The following RIN2 variants were observed in gnomAD, a reference collection of about 807,000 sequenced individuals.
RIN2 encodes RAB5 interacting protein 2.
RIN2 carries 36 observed loss-of-function variants against 78.0 expected under a neutral mutation model. That is an observed-to-expected ratio of 0.46 (90% CI 0.35 to 0.61). RIN2 has a LOEUF of 0.61. Ranked by LOEUF, RIN2 falls within the 20% of genes least tolerant of loss-of-function variation. RIN2 has a pLI of 0.00. For synonymous variants in RIN2, 466 were observed against 466.8 expected (o/e 1.00, Z 0.02); for missense variants, 1,087 against 1,159.7 (o/e 0.94, Z 0.91).
intron 1 of RIN2, among the ~76,000 whole-genome samples, chr20:19,764,918 GTTTTTTTTTTTTTTT>G (rs10605325): frequency 2.0e-5 from 1 of 50,362 alleles, no homozygotes; most frequent in African/African-American, 6.5e-5. Context: ...CACTTTCTGC[GTTTTTTTTTTTTTTT>G]TTTTTTTTTT....
chr20:19,885,686 C>G (rs1393571598), intron 2 of RIN2, among the ~76,000 whole-genome samples: 1 of 143,506 alleles, frequency 7.0e-6, no homozygotes. Context: ...TACAAGCAAA[C>G]AAACAAAAAA....
At chr20:19,962,241 G>A (rs770094757) in intron 6 of RIN2, among the ~76,000 whole-genome samples, 33 of 151,536 alleles carry the variant, frequency 2.2e-4, no homozygotes, top group Non-Finnish European at 3.7e-4. Flanking sequence ...AGCCGTGATC[G>A]TGCCACTGCA....
intron 2 of RIN2, among the ~76,000 whole-genome samples, chr20:19,845,344 C>G (rs2036746423): frequency 6.6e-6 from 1 of 152,142 alleles, no homozygotes; most frequent in African/African-American, 2.4e-5. Flanking sequence ...ATTTACACTC[C>G]CACCAACAGT....
intron 2 of RIN2, among the ~76,000 whole-genome samples, chr20:19,851,046 GAAGGAGAA>G (rs1160524554): frequency 0.015 from 915 of 60,084 alleles, 17 homozygotes; most frequent in South Asian, 0.029. Context: ...AGGAAGGAAG[GAAGGAGAA>G]AGAAAGGAAG....
intron 2 of RIN2, among the ~76,000 whole-genome samples, chr20:19,837,210 A>G (rs868127217): frequency 1.3e-4 from 19 of 148,272 alleles, no homozygotes; most frequent in African/African-American, 4.4e-4. Flanking sequence ...ACACACACAC[A>G]CAGAGTGAAT....
intron 9 of RIN2, among the ~76,000 whole-genome samples, chr20:19,977,579 G>A (rs1454651596): frequency 6.6e-6 from 1 of 152,136 alleles, no homozygotes; most frequent in Non-Finnish European, 1.5e-5. Flanking sequence ...GGAAGGCAAG[G>A]AGGGCTCTGC....
chr20:19,970,347 G>C (rs9973993), intron 7 of RIN2, among the ~76,000 whole-genome samples: 30,018 of 152,192 alleles, frequency 0.2, 3,165 homozygotes, highest in African/African-American at 0.27. Flanking sequence ...TGTGTGGGCT[G>C]TAATGGGAAG....
chr20:19,771,570 C>G (rs1176489435), intron 1 of RIN2, among the ~76,000 whole-genome samples: 1 of 152,186 alleles, frequency 6.6e-6, no homozygotes, highest in Non-Finnish European at 1.5e-5. Context: ...TCACGGCTGT[C>G]GGTCTCGAGG....
intron 2 of RIN2, among the ~76,000 whole-genome samples, chr20:19,862,092 C>T (rs915934575): frequency 6.6e-6 from 1 of 152,222 alleles, no homozygotes; most frequent in Non-Finnish European, 1.5e-5. Context: ...AAGTGGAGTC[C>T]GGCCATCCTG....
intron 5 of RIN2, among the ~76,000 whole-genome samples, chr20:19,959,394 C>A (rs372827992): frequency 1.3e-5 from 2 of 152,092 alleles, no homozygotes; most frequent in South Asian, 2.1e-4. Context: ...CTCTTACCCC[C>A]CTGGATGCTA....
intron 4 of RIN2, among the ~76,000 whole-genome samples, chr20:19,937,815 CTG>C (rs1241702259): frequency 1.3e-5 from 2 of 152,262 alleles, no homozygotes; most frequent in East Asian, 3.8e-4. Flanking sequence ...GACACAATCT[CTG>C]TAACAGCTGT....
At chr20:19,885,923 G>T (rs974224883) in intron 2 of RIN2, among the ~76,000 whole-genome samples, 2 of 148,266 alleles carry the variant, frequency 1.3e-5, no homozygotes, top group African/African-American at 4.9e-5. Flanking sequence ...AAATAGGAAG[G>T]TTACGTTGGA....
At chr20:19,806,580 G>A (rs575381822) in intron 2 of RIN2, among the ~76,000 whole-genome samples, 7 of 152,274 alleles carry the variant, frequency 4.6e-5, no homozygotes, top group African/African-American at 1.7e-4. Context: ...TTTTACGTGT[G>A]CAACAAAACA....
At chr20:19,929,496 G>A (rs900245745) in intron 3 of RIN2, among the ~76,000 whole-genome samples, 1 of 152,072 alleles carries the variant, frequency 6.6e-6, no homozygotes, top group African/African-American at 2.4e-5. Flanking sequence ...CAAGTAGCTG[G>A]AATTATAGGC....
intron 2 of RIN2, among the ~76,000 whole-genome samples, chr20:19,870,905 A>T (rs1456184550): frequency 6.6e-6 from 1 of 152,190 alleles, no homozygotes; most frequent in East Asian, 1.9e-4. Context: ...GACTTGGATC[A>T]CCTGGACAAG....
rs1368630309 is a variant in RIN2 at position 19,975,867 on chromosome 20, G to T, written c.1762+80G>T. On this transcript the variant is annotated intron_variant, in intron 9 of 12. Coordinates refer to ENST00000255006, the MANE Select transcript of RIN2 (RefSeq NM_018993.4). The surrounding 1 kb of genome is among the most constrained non-coding windows in gnomAD (Gnocchi z 4.9). ...GCAACCTATGTTTGTTATTTTTTAT[G>T]AAGTTTACTCCGAAGTTCAAAACAA... is the stretch of plus-strand genomic sequence containing the variant. 2.3e-5 allele frequency: 31 copies of T among 1,348,126 alleles called. No individual in the cohort carries two copies. The highest frequency in any genetic ancestry group is 3.1e-5 in the Non-Finnish European group (30 of 963,986). The allele number at this position is 1,348,126 out of a possible 1,614,324, so 83.5% of individuals were successfully genotyped here. A position where few individuals can be genotyped will look rare whatever the true frequency, so the allele number is the denominator to read the frequency against.
chr20:19,963,113 A>G (rs1303506542), intron 6 of RIN2, among the ~76,000 whole-genome samples: 1 of 152,212 alleles, frequency 6.6e-6, no homozygotes, highest in East Asian at 1.9e-4. Context: ...AGATAAGGAA[A>G]GTACTGTTAG....
chr20:19,932,109 G>T (rs1421743493), intron 3 of RIN2, among the ~76,000 whole-genome samples: 1 of 152,194 alleles, frequency 6.6e-6, no homozygotes, highest in Non-Finnish European at 1.5e-5. Context: ...GGTCTTAAAA[G>T]GTGAGACCTT....
At chr20:19,819,153 A>G (rs968934135) in intron 2 of RIN2, among the ~76,000 whole-genome samples, 1 of 152,240 alleles carries the variant, frequency 6.6e-6, no homozygotes, top group Non-Finnish European at 1.5e-5. Flanking sequence ...ACAAAATACC[A>G]TAGGCTGGGT....
Sources: allele counts gnomAD v4.1 joint callset (sites outside exome capture counted in the v4.1 genomes callset), GRCh38; gene constraint gnomAD v4.1.1; non-coding constraint Gnocchi (gnomAD v3.1); transcripts MANE v1.5; gene names NCBI Gene and HGNC (gene_info 2026-07-23, HGNC 2026-07-21).